Variants in NOX4 observed in about 807,000 individuals in gnomAD.
NOX4 encodes kidney oxidase-1.
In NOX4, 69 loss-of-function variants were observed where a neutral mutation model predicts 87.6. The observed-to-expected ratio is 0.79, with a 90% CI of 0.65 to 0.96. The LOEUF is 0.96. NOX4 is among the 40% of genes least tolerant of loss of function. The pLI is 0.00. For synonymous variants in NOX4, 275 were observed against 238.2 expected (o/e 1.15, Z -1.42); for missense variants, 680 against 681.5 (o/e 1.00, Z 0.02).
the NOX4 span, among the ~76,000 whole-genome samples, chr11:89,532,069 C>T: frequency 6.6e-6 from 1 of 152,188 alleles, no homozygotes; most frequent in Non-Finnish European, 1.5e-5. Context: ...GATGTCCAGG[C>T]CATATGGAGA....
chr11:89,546,381 T>A, the NOX4 span, among the ~76,000 whole-genome samples: 1 of 152,174 alleles, frequency 6.6e-6, no homozygotes, highest in Non-Finnish European at 1.5e-5. Context: ...CCTGCCTATA[T>A]CCTTCATGCT....
At chr11:89,560,686 CCTT>C in the NOX4 span, among the ~76,000 whole-genome samples, 4 of 151,842 alleles carry the variant, frequency 2.6e-5, no homozygotes, top group African/African-American at 4.8e-5. Context: ...AATTTGCTCT[CCTT>C]CTTTCTCTCT....
intron 11 of NOX4, among the ~76,000 whole-genome samples, chr11:89,398,698 T>A (rs1028599885): frequency 1.3e-5 from 2 of 151,518 alleles, no homozygotes; most frequent in Admixed American, 6.6e-5. Flanking sequence ...ACCATATATA[T>A]AAAATAGTTT....
chr11:89,557,171 T>G, the NOX4 span: 2 of 152,176 alleles, frequency 1.3e-5, no homozygotes, highest in East Asian at 3.8e-4. Context: ...AAATAATTGC[T>G]GGCTACATTT....
intron 17 of NOX4, among the ~76,000 whole-genome samples, chr11:89,329,445 T>G (rs1380809483): frequency 3.1e-5 from 4 of 127,796 alleles, no homozygotes; most frequent in Non-Finnish European, 1.6e-5. Flanking sequence ...TACATGTAAC[T>G]GCAGTCCAAC....
At chr11:89,367,241 T>C (rs984635220) in intron 12 of NOX4, among the ~76,000 whole-genome samples, 4 of 152,184 alleles carry the variant, frequency 2.6e-5, no homozygotes, top group Non-Finnish European at 4.4e-5. Flanking sequence ...CATCTAGATA[T>C]ATACACAGGT....
chr11:89,500,312 G>T (rs1314711882), upstream of NOX4, among the ~76,000 whole-genome samples: 1 of 152,066 alleles, frequency 6.6e-6, no homozygotes, highest in Non-Finnish European at 1.5e-5. Context: ...GCAGCATTAT[G>T]CTTCCTGTGG....
chr11:89,506,243 G>GAA, the NOX4 span, among the ~76,000 whole-genome samples: 18 of 119,758 alleles, frequency 1.5e-4, no homozygotes, highest in African/African-American at 2.0e-4. Flanking sequence ...GAAAGAGAGA[G>GAA]AGAGAAAGAA....
chr11:89,365,774 A>C (rs996691894), intron 12 of NOX4, among the ~76,000 whole-genome samples: 13 of 151,432 alleles, frequency 8.6e-5, no homozygotes, highest in African/African-American at 3.1e-4. Flanking sequence ...AAAAAAAAAA[A>C]AACAGGAGAT....
chr11:89,521,479 A>T, the NOX4 span, among the ~76,000 whole-genome samples: 1 of 152,180 alleles, frequency 6.6e-6, no homozygotes, highest in Non-Finnish European at 1.5e-5. Flanking sequence ...GGTTAGTCAT[A>T]TGCAGAAGAA....
At position 89,373,977 on chromosome 11, in the gene NOX4, T is replaced by G. The variant is rs60895284; in HGVS notation, c.1075-485A>C. Among the ~76,000 whole-genome samples, 411 of 152,102 alleles carry G rather than the reference T, an allele frequency of 2.7e-3. 3 individuals are homozygous for G. Among genetic ancestry groups the G allele is most frequent in the African/African-American group, 9.6e-3 (400 of 41,530 alleles). ...TATGCTCCTACAGAAATAACTCTAT[T>G]TCATTCCCTCCCTTAATTCTCAGAA... On this transcript the variant is annotated intron_variant, in intron 11 of 17. Coordinates refer to ENST00000263317, the MANE Select transcript of NOX4 (RefSeq NM_016931.5).
intron 2 of NOX4, among the ~76,000 whole-genome samples, chr11:89,477,395 G>C (rs529397904): frequency 6.6e-6 from 1 of 152,076 alleles, no homozygotes; most frequent in Non-Finnish European, 1.5e-5. Context: ...CAAGCAATGG[G>C]GAGCCGCCGT....
chr11:89,379,433 G>A (rs1277029589), intron 11 of NOX4, among the ~76,000 whole-genome samples: 1 of 151,626 alleles, frequency 6.6e-6, no homozygotes, highest in African/African-American at 2.4e-5. Flanking sequence ...GATTCACTTT[G>A]CTCTGATCAC....
intron 2 of NOX4, among the ~76,000 whole-genome samples, chr11:89,481,449 C>G (rs928469090): frequency 3.9e-5 from 6 of 151,980 alleles, no homozygotes; most frequent in Admixed American, 1.3e-4. Context: ...TCCATCTAAA[C>G]TAAGAGTAGG....
the NOX4 span, among the ~76,000 whole-genome samples, chr11:89,579,010 C>G: frequency 1.3e-5 from 2 of 152,276 alleles, 1 homozygote; most frequent in South Asian, 4.1e-4. Context: ...TGAAAAGACA[C>G]AGAACCTTAC....
chr11:89,533,410 C>A, the NOX4 span, among the ~76,000 whole-genome samples: 5 of 151,552 alleles, frequency 3.3e-5, no homozygotes, highest in African/African-American at 1.2e-4. Flanking sequence ...AGAAATCTCA[C>A]AGCAATACAA....
intron 2 of NOX4, among the ~76,000 whole-genome samples, chr11:89,470,257 G>C (rs1002298633): frequency 4.6e-5 from 7 of 152,078 alleles, no homozygotes; most frequent in African/African-American, 1.7e-4. Context: ...GAATTTAAAT[G>C]AACTTATGGC....
chr11:89,427,709 T>C (rs976096661), intron 7 of NOX4, among the ~76,000 whole-genome samples: 4 of 152,176 alleles, frequency 2.6e-5, no homozygotes. Flanking sequence ...CCAAGAATTA[T>C]GGGACTATGT....
intron 7 of NOX4, among the ~76,000 whole-genome samples, chr11:89,428,825 G>A (rs1352058021): frequency 2.0e-5 from 3 of 152,034 alleles, no homozygotes; most frequent in Non-Finnish European, 2.9e-5. Context: ...AAGTTAACAA[G>A]GATATCCAGG....
Sources: gnomAD v4.1 joint callset for allele counts (sites outside exome capture counted in the v4.1 genomes callset) on GRCh38, gnomAD v4.1.1 for gene constraint, MANE v1.5 for transcripts, NCBI Gene and HGNC (gene_info 2026-07-23, HGNC 2026-07-21) for gene names.